DHRS12: variants seen among roughly 807,000 people sequenced by gnomAD.
DHRS12 encodes dehydrogenase/reductase 12.
Under a neutral mutation model 32.1 loss-of-function variants are expected in DHRS12, and 29 were observed. The ratio of observed to expected loss-of-function variants is 0.90; its 90% CI spans 0.67 to 1.23. The LOEUF (loss-of-function observed/expected upper bound fraction) is 1.23. DHRS12 is among the 50% of genes most tolerant of loss of function. The pLI, the probability that DHRS12 is intolerant of heterozygous loss-of-function variation, is 0.00. For missense variants in DHRS12, 330 were observed against 337.2 expected (o/e 0.98, Z 0.17); for synonymous variants, 150 against 135.9 (o/e 1.10, Z -0.72).
chr13:51,759,627 T>C, the DHRS12 span: 1 of 836,984 alleles, frequency 1.2e-6, no homozygotes, highest in Non-Finnish European at 1.9e-6. Flanking sequence ...CATGTTAGTA[T>C]AGTATGTGGT....
At chr13:51,777,501 G>GT (rs1231799896) in intron 4 of DHRS12, 1 of 209,040 alleles carries the variant, frequency 4.8e-6, no homozygotes, top group Non-Finnish European at 9.8e-6. Context: ...GGTCTCAAGG[G>GT]TGGAATTCAG....
At chr13:51,799,369 C>T (rs987944729) in intron 2 of DHRS12, among the ~76,000 whole-genome samples, 165 bp downstream of exon 2, 1 of 152,204 alleles carries the variant, frequency 6.6e-6, no homozygotes. Flanking sequence ...GTTGCTCTAG[C>T]CACCTGGAGC....
At chr13:51,787,689 TATAA>T (rs1482153484) in intron 4 of DHRS12, among the ~76,000 whole-genome samples, 3 of 140,892 alleles carry the variant, frequency 2.1e-5, no homozygotes, top group Non-Finnish European at 3.0e-5. Context: ...TATTAAAAAG[TATAA>T]ATATATATAA....
intron 4 of DHRS12, among the ~76,000 whole-genome samples, chr13:51,780,049 C>T (rs1214921042): frequency 6.6e-6 from 1 of 152,094 alleles, no homozygotes; most frequent in African/African-American, 2.4e-5. Context: ...TGGTGGCCCA[C>T]ACCTGTAGTC....
At chr13:51,802,169 TCACACACACACACACACACACACACACA>T (rs56270918) in intron 1 of DHRS12, among the ~76,000 whole-genome samples, 3 of 139,782 alleles carry the variant, frequency 2.1e-5, no homozygotes, top group Non-Finnish European at 3.1e-5. Flanking sequence ...TCTCTATTTT[TCACACACACACACACACACACACACACA>T]CACACACACA....
intron 2 of DHRS12, among the ~76,000 whole-genome samples, chr13:51,792,830 T>C (rs1368816524): frequency 1.3e-5 from 2 of 152,256 alleles, no homozygotes; most frequent in Non-Finnish European, 2.9e-5. Context: ...ACAAGAGGTC[T>C]TGGAGATGAT....
chr13:51,778,237 G>A (rs895995248), intron 4 of DHRS12, among the ~76,000 whole-genome samples: 1 of 152,204 alleles, frequency 6.6e-6, no homozygotes, highest in African/African-American at 2.4e-5. Flanking sequence ...AGGAGTTTGT[G>A]GTGAAATAAA....
At chr13:51,761,844 A>AGCTCTGTG in the DHRS12 span, 1 of 152,166 alleles carries the variant, frequency 6.6e-6, no homozygotes, top group South Asian at 2.1e-4. Context: ...GGCTCAGCCC[A>AGCTCTGTG]TGTGACCGGA....
At chr13:51,769,861 G>A (rs557901989) in intron 7 of DHRS12, among the ~76,000 whole-genome samples, 2 of 152,356 alleles carry the variant, frequency 1.3e-5, no homozygotes, top group Non-Finnish European at 2.9e-5. Flanking sequence ...GCCTGGAGTA[G>A]CCTCCCGGGC....
intron 8 of DHRS12, 49 bp downstream of exon 8, chr13:51,769,107 C>A: frequency 6.5e-7 from 1 of 1,547,668 alleles, no homozygotes; most frequent in Non-Finnish European, 8.7e-7. Context: ...GGCCCAGCTG[C>A]TGCCCCTAGC....
At chr13:51,771,340 C>A (rs1468465363) in intron 7 of DHRS12, 3 of 1,605,788 alleles carry the variant, frequency 1.9e-6, no homozygotes, top group Admixed American at 1.7e-5. Flanking sequence ...GAATTCTGCT[C>A]CCCTCCACCG....
In DHRS12 at chr13:51,804,064, C is replaced by A; in HGVS notation, c.-19G>T. 1 of 1,486,704 alleles carries A rather than the reference C, an allele frequency of 6.7e-7. No homozygotes were observed. Among genetic ancestry groups the A allele is most frequent in the Non-Finnish European group, 8.9e-7 (1 of 1,125,316 alleles). The allele number at this position is 1,486,704 out of a possible 1,614,324, so 92.1% of individuals were successfully genotyped here. ...GCCGCGCCGCCTTACTTGGTGTACT[C>A]GCGCAGCCCCTTGGCGAACCACACG... On this transcript the variant is annotated 5_prime_UTR_variant, in exon 1 of 9. It introduces an in-frame stop codon into an upstream open reading frame of the 5' UTR. Transcript: ENST00000444610.
intron 6 of DHRS12, 77 bp from the exon 7 acceptor site, chr13:51,771,988 CCAGCCTGGCTTAT>C: frequency 7.1e-7 from 1 of 1,417,192 alleles, no homozygotes; most frequent in Non-Finnish European, 9.9e-7. Flanking sequence ...TAAGCCCTGC[CCAGCCTGGCTTAT>C]CTTACACTGG....
intron 4 of DHRS12, among the ~76,000 whole-genome samples, chr13:51,783,580 G>A (rs1185903359): frequency 1.3e-5 from 2 of 152,164 alleles, no homozygotes; most frequent in Non-Finnish European, 2.9e-5. Flanking sequence ...ACTGTGGTGT[G>A]ATTCGGAAGA....
Position 51,777,236 on chromosome 13 carries a change from T to C in DHRS12, c.302-115A>G, listed in dbSNP as rs1005497686. 1.1e-5 allele frequency: 13 copies of C among 1,146,054 alleles called. No homozygotes were observed. In the African/African-American group the frequency reaches 1.7e-4, roughly 15 times the overall value. 71.0% of individuals were successfully genotyped at this position (1,146,054 alleles called of 1,614,324 possible). Reference sequence around the variant, plus strand: ...CACCCGCCCCCCACAAGAGGGCAAGTGGCCACCTGAGGGGCAGTCCCTCCT... The same window carrying C: ...CACCCGCCCCCCACAAGAGGGCAAGCGGCCACCTGAGGGGCAGTCCCTCCT... On this transcript the variant is annotated intron_variant, in intron 4 of 8. Coordinates refer to ENST00000444610, the MANE Select transcript of DHRS12 (RefSeq NM_001377533.1).
At chr13:51,797,011 C>A (rs1436250726) in intron 2 of DHRS12, among the ~76,000 whole-genome samples, 1 of 152,146 alleles carries the variant, frequency 6.6e-6, no homozygotes, top group Non-Finnish European at 1.5e-5. Flanking sequence ...TCTGTCCCTC[C>A]CCAGCTTCCC....
chr13:51,772,056 T>C, intron 6 of DHRS12, 145 bp from the exon 7 acceptor site: 1 of 743,064 alleles, frequency 1.3e-6, no homozygotes, highest in Admixed American at 2.8e-5. Flanking sequence ...TCCTCCAAAA[T>C]CAGTCTTTAC....
rs1954081038 is a variant in DHRS12 at position 51,772,554 on chromosome 13, G to A, written c.469-643C>T. The A allele has an allele frequency of 3.4e-6, 3 of 885,120 alleles. No individual in the cohort carries two copies. In the South Asian group the frequency reaches 1.6e-4, roughly 46 times the overall value. 54.8% of individuals were successfully genotyped at this position (885,120 alleles called of 1,614,324 possible). On this transcript the variant is annotated intron_variant, in intron 6 of 8. Transcript: ENST00000444610. ...CCCAGCTACTCAGGAGGCTGAGGTA[G>A]GAGAATTGCTTAAACCAAGGAGATG...
chr13:51,763,034 C>T (rs1035302087), downstream of DHRS12: 2 of 152,096 alleles, frequency 1.3e-5, no homozygotes, highest in Admixed American at 6.5e-5. Flanking sequence ...TTAATTATTT[C>T]CAGAAATCAT....
Sources: allele counts gnomAD v4.1 joint callset (sites outside exome capture counted in the v4.1 genomes callset), GRCh38; gene constraint gnomAD v4.1.1; transcripts MANE v1.5; gene names NCBI Gene and HGNC (gene_info 2026-07-23, HGNC 2026-07-21).